Variants in TAFA4 observed in about 807,000 individuals in gnomAD.
TAFA4 encodes chemokine-like protein TAFA-4.
A neutral mutation model predicts 21.1 loss-of-function variants in TAFA4; 20 were observed. The ratio of observed to expected loss-of-function variants is 0.95; its 90% CI spans 0.67 to 1.38. The LOEUF is 1.38. Among genes scored for constraint, TAFA4 ranks in the 40% most tolerant of loss-of-function variants. TAFA4 has a pLI of 0.00. For synonymous variants in TAFA4, 71 were observed against 67.4 expected (o/e 1.05, Z -0.26); for missense variants, 211 against 180.9 (o/e 1.17, Z -0.95).
At chr3:68,882,164 T>C (rs547174472) in intron 2 of TAFA4, among the ~76,000 whole-genome samples, 6 of 152,340 alleles carry the variant, frequency 3.9e-5, no homozygotes, top group African/African-American at 1.4e-4. Context: ...AAAATGGTTT[T>C]AAACGGCTAT....
chr3:68,789,481 G>A (rs1022162071), intron 3 of TAFA4, among the ~76,000 whole-genome samples: 15 of 152,014 alleles, frequency 9.9e-5, no homozygotes, highest in African/African-American at 2.4e-4. Flanking sequence ...GCTCAACTGC[G>A]GTAATCATTT....
chr3:68,793,918 A>G (rs1396775240), intron 3 of TAFA4, among the ~76,000 whole-genome samples: 8 of 152,218 alleles, frequency 5.3e-5, no homozygotes, highest in African/African-American at 1.9e-4. Context: ...GTGTCAAGAC[A>G]CTGGAATTTT....
intron 3 of TAFA4, among the ~76,000 whole-genome samples, chr3:68,771,551 T>G (rs964852935): frequency 2.0e-5 from 3 of 152,242 alleles, no homozygotes; most frequent in Non-Finnish European, 2.9e-5. Context: ...ACTATGGAAC[T>G]AGGAGTAAAC....
At chr3:68,767,628 T>C (rs1272196164) in intron 3 of TAFA4, among the ~76,000 whole-genome samples, 2 of 152,024 alleles carry the variant, frequency 1.3e-5, no homozygotes, top group Non-Finnish European at 2.9e-5. Flanking sequence ...AACAGTGGAA[T>C]TTGGGACACA....
intron 3 of TAFA4, among the ~76,000 whole-genome samples, chr3:68,787,254 C>A (rs73835351): frequency 6.6e-6 from 1 of 152,036 alleles, no homozygotes; most frequent in Non-Finnish European, 1.5e-5. Flanking sequence ...GAGTATTCAG[C>A]GGAGACTGAA....
chr3:68,871,387 C>A (rs1302764940), intron 3 of TAFA4, among the ~76,000 whole-genome samples: 2 of 151,896 alleles, frequency 1.3e-5, no homozygotes, highest in African/African-American at 2.4e-5. Context: ...TGCAGAAGAA[C>A]AAAGCTAGAC....
chr3:68,814,714 G>A (rs1363147042), intron 3 of TAFA4, among the ~76,000 whole-genome samples: 5 of 152,098 alleles, frequency 3.3e-5, no homozygotes, highest in African/African-American at 9.7e-5. Flanking sequence ...GGAAGAATCA[G>A]TATCGTGAAA....
At position 68,828,372 on chromosome 3, in the gene TAFA4, T is replaced by A. The variant is rs139673514; in HGVS notation, c.130+52358A>T. Among the ~76,000 whole-genome samples the A allele has an allele frequency of 5.2e-3, 794 of 152,316 alleles. 21 individuals carry two copies. Among genetic ancestry groups the A allele is most frequent in the Admixed American group, 0.044 (674 of 15,290 alleles). Reference sequence around the variant, plus strand: ...CTTGCCTATACAGGGTCTTTTTTGGTTCCATGTGAACTTTAAAGTAGTTTT... The same window carrying A: ...CTTGCCTATACAGGGTCTTTTTTGGATCCATGTGAACTTTAAAGTAGTTTT... On this transcript the variant is annotated intron_variant, in intron 3 of 5. Transcript: ENST00000295569.
intron 3 of TAFA4, among the ~76,000 whole-genome samples, chr3:68,787,281 C>T (rs1030212153): frequency 6.6e-6 from 1 of 152,066 alleles, no homozygotes; most frequent in African/African-American, 2.4e-5. Flanking sequence ...ACAAACTAAC[C>T]CCCTACACTC....
In TAFA4 at chr3:68,819,761, G is replaced by A. The variant is rs532146228; in HGVS notation, c.130+60969C>T. Among the ~76,000 whole-genome samples the A allele has an allele frequency of 5.9e-4, 90 of 152,258 alleles. 1 individual carries two copies. The South Asian group carries it at 0.015, about 26-fold the overall frequency. ...GATATCCCTTCACACCAGTTAGGAC[G>A]GCTATTATCAAAAAGACAAAGGCTA... On this transcript the variant is annotated intron_variant, in intron 3 of 5. Transcript: ENST00000295569.
chr3:68,900,730 A>T (rs1332505009), intron 1 of TAFA4, among the ~76,000 whole-genome samples: 2 of 152,164 alleles, frequency 1.3e-5, no homozygotes, highest in African/African-American at 4.8e-5. Flanking sequence ...GCACTCAACA[A>T]ATACTTGCTG....
chr3:68,752,957 C>G lies in TAFA4; in HGVS notation c.192G>C (p.Lys64Asn), dbSNP rs1702585085. ...EVVAVHRCCN[K>N]NRIEERSQTV... ...TTTGTGACCGCTCTTCTATGCGGTTCTTATTGCAGCACCTGTGCACGGCGA... is the reference window on the plus strand; with the variant it reads ...TTTGTGACCGCTCTTCTATGCGGTTGTTATTGCAGCACCTGTGCACGGCGA... The change falls in exon 4 of 6, where the codon AAG (lysine) becomes AAC (asparagine). Residue 64 changes from lysine (K) to asparagine (N), a missense_variant. Transcript: ENST00000295569. 6.2e-7 allele frequency: 1 copy of G among 1,614,084 alleles called. No individual in the cohort carries two copies. Among genetic ancestry groups the G allele is most frequent in the Non-Finnish European group, 8.5e-7 (1 of 1,180,020 alleles).
chr3:68,813,139 C>T (rs1703879650), intron 3 of TAFA4, among the ~76,000 whole-genome samples: 1 of 151,912 alleles, frequency 6.6e-6, no homozygotes. Flanking sequence ...AGAACAAAGA[C>T]ACAACATACC....
At chr3:68,863,008 C>A (rs919129327) in intron 3 of TAFA4, among the ~76,000 whole-genome samples, 1 of 151,198 alleles carries the variant, frequency 6.6e-6, no homozygotes, top group South Asian at 2.1e-4. Flanking sequence ...CCAAGGCTGA[C>A]CAATCGCTTG....
At chr3:68,794,567 G>GTTCC (rs1703420946) in intron 3 of TAFA4, among the ~76,000 whole-genome samples, 1 of 152,044 alleles carries the variant, frequency 6.6e-6, no homozygotes, top group Non-Finnish European at 1.5e-5. Context: ...TCTATTTTCT[G>GTTCC]TGACTCCCTC....
chr3:68,756,910 G>T (rs1280014357), intron 3 of TAFA4, among the ~76,000 whole-genome samples: 3 of 152,138 alleles, frequency 2.0e-5, no homozygotes, highest in Non-Finnish European at 2.9e-5. Context: ...AAAAGTAAGG[G>T]CTGGGAAAGG....
At chr3:68,816,073 C>A (rs980809628) in intron 3 of TAFA4, among the ~76,000 whole-genome samples, 2 of 151,994 alleles carry the variant, frequency 1.3e-5, no homozygotes, top group Non-Finnish European at 2.9e-5. Flanking sequence ...GGACAAAAAA[C>A]CAAACACCGC....
chr3:68,734,371 G>T (rs974113111), intron 5 of TAFA4, among the ~76,000 whole-genome samples: 5 of 152,018 alleles, frequency 3.3e-5, no homozygotes, highest in African/African-American at 1.2e-4. Context: ...AATAATATGG[G>T]CAATGGAGAA....
chr3:68,828,179 A>T (rs1704297503), intron 3 of TAFA4, among the ~76,000 whole-genome samples: 1 of 152,128 alleles, frequency 6.6e-6, no homozygotes. Flanking sequence ...CAAAGATCAG[A>T]TGGTTGTGGA....
Sources: gnomAD v4.1 joint callset for allele counts (sites outside exome capture counted in the v4.1 genomes callset) on GRCh38, gnomAD v4.1.1 for gene constraint, MANE v1.5 for transcripts, NCBI Gene and HGNC (gene_info 2026-07-23, HGNC 2026-07-21) for gene names.